Variants in SLC39A14 observed in about 807,000 individuals in gnomAD.
The protein encoded by SLC39A14 is solute carrier family 39 member 14, also known as metal cation symporter ZIP14.
Under a neutral mutation model 45.5 loss-of-function variants are expected in SLC39A14, and 19 were observed. That is an observed-to-expected ratio of 0.42 (90% CI 0.29 to 0.61). SLC39A14 has a LOEUF of 0.61. Among genes scored for constraint, SLC39A14 ranks in the 20% least tolerant of loss-of-function variants. The pLI, the probability that SLC39A14 is intolerant of heterozygous loss-of-function variation, is 0.22. For synonymous variants in SLC39A14, 264 were observed against 251.3 expected (o/e 1.05, Z -0.48); for missense variants, 447 against 616.5 (o/e 0.73, Z 2.91).
intron 4 of SLC39A14, among the ~76,000 whole-genome samples, chr8:22,414,175 C>G (rs1479155518): frequency 6.6e-6 from 1 of 152,164 alleles, no homozygotes; most frequent in African/African-American, 2.4e-5. Context: ...TCTCCCCTCC[C>G]TCTTTGATAA....
chr8:22,401,616 C>T (rs555769383), intron 1 of SLC39A14, among the ~76,000 whole-genome samples: 4 of 130,276 alleles, frequency 3.1e-5, no homozygotes, highest in South Asian at 2.7e-4. Context: ...GGCACTATCT[C>T]GGCTCACTGC....
intron 4 of SLC39A14, 30 bp downstream of exon 4, chr8:22,412,236 G>T (rs1230695197): frequency 6.5e-7 from 1 of 1,548,498 alleles, no homozygotes; most frequent in Non-Finnish European, 8.7e-7. Context: ...TCACCCCGGA[G>T]CATGCCGGCG....
downstream of SLC39A14, among the ~76,000 whole-genome samples, chr8:22,425,633 A>G (rs1836371233): frequency 6.6e-6 from 1 of 152,024 alleles, no homozygotes; most frequent in South Asian, 2.1e-4. Context: ...ACTGCCAGCC[A>G]AAAAACAGTT....
intron 1 of SLC39A14, among the ~76,000 whole-genome samples, chr8:22,370,592 A>C (rs994620137): frequency 1.3e-5 from 2 of 152,198 alleles, no homozygotes; most frequent in South Asian, 4.1e-4. Flanking sequence ...CCAGTGGCCA[A>C]GAGACTTGAT....
At chr8:22,414,999 C>T (rs752554874) in intron 5 of SLC39A14, 97 bp downstream of exon 5, 9 of 1,362,764 alleles carry the variant, frequency 6.6e-6, no homozygotes, top group Non-Finnish European at 9.1e-6. Context: ...TGGTCTTAGC[C>T]CAATATCACA....
Position 22,414,920 on chromosome 8 carries a change from C to T in SLC39A14, c.750+18C>T. ...AAAATGAGGTGAGGCCCAATTGTTGCTGAAGAAAGCTCTTCTAGGGAAAAC... is the reference window on the plus strand; with the variant it reads ...AAAATGAGGTGAGGCCCAATTGTTGTTGAAGAAAGCTCTTCTAGGGAAAAC... On this transcript the variant is annotated intron_variant, in intron 5 of 8. Transcript: ENST00000381237. 1 of 1,608,850 alleles carries T rather than the reference C, an allele frequency of 6.2e-7. No individual in the cohort carries two copies. The highest frequency in any genetic ancestry group is 8.5e-7 in the Non-Finnish European group (1 of 1,178,864).
At position 22,416,724 on chromosome 8, in the gene SLC39A14, C is replaced by T. The variant is rs1399693687; in HGVS notation, c.1147+444C>T. Among the ~76,000 whole-genome samples, 7 of 152,106 alleles carry T rather than the reference C, an allele frequency of 4.6e-5. No homozygotes were observed. The East Asian group carries it at 5.8e-4, about 13-fold the overall frequency. ...TGCTGGGATTACAGGCTTGAGCCAC[C>T]GAACGTGGCCTAACCACCATTTCTT... is the stretch of plus-strand genomic sequence containing the variant. On this transcript the variant is annotated intron_variant, in intron 7 of 8. Coordinates refer to ENST00000381237, the MANE Select transcript of SLC39A14 (RefSeq NM_001128431.4).
In SLC39A14 at chr8:22,432,603, C is replaced by T. The variant is rs376391216; in HGVS notation, c.1333-1288C>T. On this transcript the variant is annotated intron_variant, in intron 8 of 8. Transcript: ENST00000240095. The stretch of plus-strand genomic sequence containing the variant: ...AAGTGATCCTCCTACCTCGGCCTCC[C>T]GAGTAGCTGGGACCACAGGTGTTCA... Among the ~76,000 whole-genome samples the T allele has an allele frequency of 1.5e-4, 23 of 151,554 alleles. No homozygotes were observed. In the South Asian group the frequency reaches 2.3e-3, roughly 15 times the overall value.
intron 4 of SLC39A14, among the ~76,000 whole-genome samples, chr8:22,412,919 C>T (rs375357369): frequency 4.1e-4 from 62 of 152,262 alleles, no homozygotes; most frequent in African/African-American, 1.2e-3. Context: ...GCCTGGGTGA[C>T]GGGAGTGAGA....
At chr8:22,401,574 A>C (rs1412633193) in intron 1 of SLC39A14, among the ~76,000 whole-genome samples, 1 of 99,546 alleles carries the variant, frequency 1.0e-5, no homozygotes, top group East Asian at 3.3e-4. Context: ...TTGAGATGGA[A>C]TCTTGCTCTG....
chr8:22,372,197 T>G (rs974642103), intron 1 of SLC39A14, among the ~76,000 whole-genome samples: 4 of 152,134 alleles, frequency 2.6e-5, no homozygotes, highest in African/African-American at 9.7e-5. Context: ...TACCTGTAAT[T>G]TCTCATTTCT....
chr8:22,389,301 C>T (rs1392086012), intron 1 of SLC39A14, among the ~76,000 whole-genome samples: 3 of 152,308 alleles, frequency 2.0e-5, no homozygotes, highest in Non-Finnish European at 4.4e-5. Context: ...TTCCAGCAAC[C>T]GCACTTTGAG....
In SLC39A14 at chr8:22,412,093, G is replaced by T; in HGVS notation, c.514G>T (p.Ala172Ser). Residue 172 changes from alanine (A) to serine (S), a missense_variant, in exon 4 of 9, where the codon GCC becomes TCC. Around this residue, in one of 2 missense-constraint regions of SLC39A14, gnomAD observed 342 missense variants for 428.1 expected, o/e 0.80. Transcript: ENST00000381237. ...TVISLCSLLG[A>S]SVVPFMKKTF... ...CATCTCCCTCTGCTCCCTCCTGGGG[G>T]CCAGCGTGGTGCCCTTCATGAAGAA... The T allele has an allele frequency of 6.4e-7, 1 of 1,551,682 alleles. No homozygotes were observed. The highest frequency in any genetic ancestry group is 8.7e-7 in the Non-Finnish European group (1 of 1,146,996).
At chr8:22,387,566 T>G (rs1833856820) in intron 1 of SLC39A14, among the ~76,000 whole-genome samples, 1 of 152,194 alleles carries the variant, frequency 6.6e-6, no homozygotes, top group Non-Finnish European at 1.5e-5. Context: ...ACTTCTTTTG[T>G]GCCATATTTT....
At chr8:22,404,162 G>A (rs1414678886) in intron 1 of SLC39A14, among the ~76,000 whole-genome samples, 5 of 151,964 alleles carry the variant, frequency 3.3e-5, no homozygotes, top group East Asian at 1.9e-4. Flanking sequence ...AGTGGCTCAC[G>A]CCTGTAATTC....
chr8:22,410,255 C>T (rs1835493221), intron 3 of SLC39A14: 3 of 839,642 alleles, frequency 3.6e-6, no homozygotes, highest in Non-Finnish European at 5.7e-6. Context: ...ATCAAAGCCA[C>T]AAACGACTTC....
chr8:22,402,717 C>A (rs1364728278), intron 1 of SLC39A14, among the ~76,000 whole-genome samples: 1 of 148,170 alleles, frequency 6.7e-6, no homozygotes, highest in Non-Finnish European at 1.5e-5. Context: ...AGCAGTGAGC[C>A]GAGATGGCGC....
chr8:22,386,138 T>C lies in SLC39A14; in HGVS notation c.-15-18558T>C, dbSNP rs533005683. ...GTATTTTTTTGGTAGAGACGGGGTT[T>C]CATTATATGTTGGCCAGGCTGGTCC... On this transcript the variant is annotated intron_variant, in intron 1 of 8. Transcript: ENST00000381237. Among the ~76,000 whole-genome samples, 93 of 152,000 alleles carry C rather than the reference T, an allele frequency of 6.1e-4. 1 individual carries two copies. The Middle Eastern group carries it at 0.017, about 28-fold the overall frequency.
chr8:22,404,197 G>A (rs931032074), intron 1 of SLC39A14, among the ~76,000 whole-genome samples: 1 of 152,132 alleles, frequency 6.6e-6, no homozygotes, highest in African/African-American at 2.4e-5. Flanking sequence ...GCCGAGGTGG[G>A]TGGATCACCT....
Sources: gnomAD v4.1 joint callset for allele counts (sites outside exome capture counted in the v4.1 genomes callset) on GRCh38, gnomAD v4.1.1 for gene constraint, gnomAD v4.1.1 regional missense constraint, MANE v1.5 for transcripts, NCBI Gene and HGNC (gene_info 2026-07-23, HGNC 2026-07-21) for gene names.